GRM5: variants seen among roughly 807,000 people sequenced by gnomAD.
The protein encoded by GRM5 is metabotropic glutamate receptor 5.
GRM5 carries 19 observed loss-of-function variants against 83.1 expected under a neutral mutation model. The observed-to-expected ratio is 0.23, with a 90% CI of 0.16 to 0.34. The LOEUF is 0.34. GRM5 is among the 10% of genes least tolerant of loss of function. The pLI is 1.00. For missense variants in GRM5, 1,160 were observed against 1,588.3 expected, an observed-to-expected ratio of 0.73 and a Z score of 4.58; for synonymous variants, 675 against 633.6, an observed-to-expected ratio of 1.07 and a Z score of -0.98.
At chr11:88,803,687 G>A (rs1015333157) in intron 3 of GRM5, among the ~76,000 whole-genome samples, 1 of 152,074 alleles carries the variant, frequency 6.6e-6, no homozygotes, top group African/African-American at 2.4e-5. Context: ...TGACAAATGG[G>A]ATCTAATTAA....
At chr11:88,916,533 C>A (rs995856035) in intron 2 of GRM5, among the ~76,000 whole-genome samples, 3 of 152,108 alleles carry the variant, frequency 2.0e-5, no homozygotes, top group African/African-American at 7.2e-5. Flanking sequence ...GCTAGCACCA[C>A]CACCATGAGT....
chr11:88,964,571 G>A (rs879903932), intron 2 of GRM5, among the ~76,000 whole-genome samples: 2 of 152,120 alleles, frequency 1.3e-5, no homozygotes, highest in Non-Finnish European at 2.9e-5. Context: ...ACAGACACCT[G>A]CAGGGAGAAG....
chr11:88,739,161 T>G (rs1488605594), intron 3 of GRM5, among the ~76,000 whole-genome samples: 1 of 152,080 alleles, frequency 6.6e-6, no homozygotes, highest in African/African-American at 2.4e-5. Context: ...TTCTGTAACC[T>G]TCGTAGAGCT....
chr11:88,784,567 A>G (rs898298349), intron 3 of GRM5, among the ~76,000 whole-genome samples: 2 of 152,080 alleles, frequency 1.3e-5, no homozygotes, highest in African/African-American at 4.8e-5. Context: ...GCTGTGTTAG[A>G]GATTGACTGG....
chr11:88,924,365 T>C (rs1945749801), intron 2 of GRM5, among the ~76,000 whole-genome samples: 1 of 152,124 alleles, frequency 6.6e-6, no homozygotes, highest in Non-Finnish European at 1.5e-5. Flanking sequence ...CCATGTTTAT[T>C]GCAGCATCAT....
At chr11:88,575,964 G>T (rs914085496) in intron 7 of GRM5, among the ~76,000 whole-genome samples, 3 of 151,988 alleles carry the variant, frequency 2.0e-5, no homozygotes, top group African/African-American at 4.8e-5. Context: ...TGTGTGCAAA[G>T]ATTTATTTTA....
chr11:88,733,708 A>G (rs1354456436), intron 3 of GRM5, among the ~76,000 whole-genome samples: 1 of 152,014 alleles, frequency 6.6e-6, no homozygotes, highest in African/African-American at 2.4e-5. Context: ...AGGTCTAGAC[A>G]TTTTCTCTGC....
rs746490135 is a variant in GRM5, at chr11:88,567,448, T to A, written c.2235A>T (p.Gly745=). The A allele has an allele frequency of 6.2e-7, 1 of 1,614,156 alleles. No homozygotes were observed. Among genetic ancestry groups the A allele is most frequent in the Admixed American group, 1.7e-5 (1 of 60,030 alleles). The change falls in exon 8 of 10, where the codon GGA becomes GGT. Residue 745 remains glycine, a synonymous_variant. Coordinates refer to ENST00000305447, the MANE Select transcript of GRM5 (RefSeq NM_001143831.3). The surrounding 1 kb of genome is among the most constrained non-coding windows in gnomAD (Gnocchi z 7.3). ...AGCTCAAAATCAACAATCCATTGTATCCAAGTGGAGTGACAACTCCTAGGT... is the reference window on the plus strand; with the variant it reads ...AGCTCAAAATCAACAATCCATTGTAACCAAGTGGAGTGACAACTCCTAGGT... ...TTNLGVVTPL[G]YNGLLILSCT...
chr11:88,888,893 A>C (rs898902394), intron 2 of GRM5, among the ~76,000 whole-genome samples: 4 of 152,154 alleles, frequency 2.6e-5, no homozygotes, highest in African/African-American at 9.7e-5. Context: ...GATCAGTAAC[A>C]AACTTGGCTA....
At chr11:88,516,383 C>T (rs1470559687) in intron 9 of GRM5, among the ~76,000 whole-genome samples, 2 of 152,214 alleles carry the variant, frequency 1.3e-5, no homozygotes, top group Middle Eastern at 3.4e-3. Flanking sequence ...ACAAGACATA[C>T]CCCTGTGGAG....
At chr11:88,512,686 C>T (rs1941410560) in intron 9 of GRM5, among the ~76,000 whole-genome samples, 2 of 152,156 alleles carry the variant, frequency 1.3e-5, no homozygotes, top group South Asian at 2.1e-4. Context: ...TTTTAAGCCT[C>T]GGTAAGAAGC....
rs1487618238 is a variant in GRM5, at chr11:88,507,885, T to C, written c.*707A>G. 1 of 152,632 alleles carries C rather than the reference T, an allele frequency of 6.6e-6. No homozygotes were observed. Among genetic ancestry groups the C allele is most frequent in the African/African-American group, 2.4e-5 (1 of 41,458 alleles). The allele number at this position is 152,632 out of a possible 1,614,324, so 9.5% of individuals were successfully genotyped here. A position where few individuals can be genotyped will look rare whatever the true frequency, so the allele number is the denominator to read the frequency against. ...TTAATGGAGGTGAATCTGAAATAAGTAGGTGGAATCCCCGATGCAGGCTTT... is the reference window on the plus strand; with the variant it reads ...TTAATGGAGGTGAATCTGAAATAAGCAGGTGGAATCCCCGATGCAGGCTTT... On this transcript the variant is annotated 3_prime_UTR_variant, in exon 10 of 10. Coordinates refer to ENST00000305447, the MANE Select transcript of GRM5 (RefSeq NM_001143831.3).
chr11:89,026,709 C>G (rs993402940), intron 2 of GRM5, among the ~76,000 whole-genome samples: 2 of 152,160 alleles, frequency 1.3e-5, no homozygotes, highest in African/African-American at 4.8e-5. Context: ...TTCTCATATT[C>G]TAAGCCCTGC....
At chr11:88,647,090 A>G (rs4106127) in intron 4 of GRM5, among the ~76,000 whole-genome samples, 104,351 of 151,802 alleles carry the variant, frequency 0.69, 41,676 homozygotes, top group Non-Finnish European at 0.9. Context: ...CATCAATCCA[A>G]TCACTGCCTG....
intron 8 of GRM5, among the ~76,000 whole-genome samples, chr11:88,544,253 A>G (rs528336017): frequency 3.9e-5 from 6 of 152,272 alleles, no homozygotes; most frequent in African/African-American, 1.2e-4. Context: ...CACAAAACAG[A>G]CTAGGAAAAT....
At chr11:88,577,498 T>C (rs1241312430) in intron 7 of GRM5, among the ~76,000 whole-genome samples, 2 of 152,124 alleles carry the variant, frequency 1.3e-5, no homozygotes, top group African/African-American at 2.4e-5. Context: ...ACTATGGTGA[T>C]AGAAAGGTAA....
At chr11:88,570,473 T>C (rs954554412) in intron 7 of GRM5, among the ~76,000 whole-genome samples, 1 of 149,310 alleles carries the variant, frequency 6.7e-6, no homozygotes, top group Non-Finnish European at 1.5e-5. Context: ...TCTGATACTT[T>C]AGTATGCCAT....
chr11:88,787,135 G>GTA (rs1943088236), intron 3 of GRM5, among the ~76,000 whole-genome samples: 1 of 39,700 alleles, frequency 2.5e-5, no homozygotes, highest in South Asian at 5.7e-4. Context: ...GATATGATGT[G>GTA]TGTGTGTGTG....
At chr11:89,035,403 T>C (rs1398921960) in intron 2 of GRM5, among the ~76,000 whole-genome samples, 4 of 151,938 alleles carry the variant, frequency 2.6e-5, no homozygotes, top group Non-Finnish European at 5.9e-5. Flanking sequence ...GCACTCTAAC[T>C]TTATTAGGGA....
Sources: allele counts gnomAD v4.1 joint callset (sites outside exome capture counted in the v4.1 genomes callset), GRCh38; gene constraint gnomAD v4.1.1; non-coding constraint Gnocchi (gnomAD v3.1); transcripts MANE v1.5; gene names NCBI Gene and HGNC (gene_info 2026-07-23, HGNC 2026-07-21).